Variants in CTNND2 observed in about 807,000 individuals in gnomAD.
The protein encoded by CTNND2 is catenin delta-2.
Under a neutral mutation model 144.4 loss-of-function variants are expected in CTNND2, and 22 were observed. The ratio of observed to expected loss-of-function variants is 0.15; its 90% confidence interval spans 0.11 to 0.22. The LOEUF (loss-of-function observed/expected upper bound fraction) is 0.22, where lower values mean the gene tolerates loss of function less well. Among genes scored for constraint, CTNND2 ranks in the 10% least tolerant of loss-of-function variants. CTNND2 has a pLI of 1.00. For missense variants in CTNND2, 1,353 were observed against 1,618.8 expected, an observed-to-expected ratio of 0.84 and a Z score of 2.82; for synonymous variants, 751 against 695.6, an observed-to-expected ratio of 1.08 and a Z score of -1.25.
At chr5:11,181,285 G>T (rs1319587097) in intron 11 of CTNND2, among the ~76,000 whole-genome samples, 2 of 152,122 alleles carry the variant, frequency 1.3e-5, no homozygotes, top group Non-Finnish European at 2.9e-5. Context: ...TGCTCTTCAG[G>T]GATTCTAGTA....
At chr5:11,164,108 T>C (rs1264494749) in intron 11 of CTNND2, among the ~76,000 whole-genome samples, 2 of 152,030 alleles carry the variant, frequency 1.3e-5, no homozygotes, top group Non-Finnish European at 2.9e-5. Flanking sequence ...GATTTTGGCT[T>C]CCATCATCAT....
At chr5:11,093,368 CAA>C (rs34667320) in intron 15 of CTNND2, among the ~76,000 whole-genome samples, 19,972 of 152,074 alleles carry the variant, frequency 0.13, 1,483 homozygotes, top group African/African-American at 0.21. Flanking sequence ...CTGCAACAAA[CAA>C]AATCACTGTA....
chr5:11,655,476 G>T (rs1178367888), intron 2 of CTNND2, among the ~76,000 whole-genome samples: 1 of 151,816 alleles, frequency 6.6e-6, no homozygotes, highest in African/African-American at 2.4e-5. Context: ...TCTCACAATT[G>T]GCATTCGTAA....
chr5:11,875,583 T>C (rs1735505756), intron 1 of CTNND2, among the ~76,000 whole-genome samples: 1 of 152,054 alleles, frequency 6.6e-6, no homozygotes. Flanking sequence ...GCCCTCATGA[T>C]GGGATTTTAC....
At chr5:11,569,738 C>A (rs115144348) in intron 2 of CTNND2, among the ~76,000 whole-genome samples, 2 of 152,072 alleles carry the variant, frequency 1.3e-5, no homozygotes, top group African/African-American at 4.8e-5. Context: ...AATATTGAGG[C>A]TTCTTCATTT....
intron 5 of CTNND2, among the ~76,000 whole-genome samples, chr5:11,401,233 A>C (rs1480416495): frequency 2.6e-5 from 4 of 152,240 alleles, no homozygotes; most frequent in Non-Finnish European, 4.4e-5. Context: ...TCTTCTGATC[A>C]GATTAACTGA....
chr5:11,496,229 A>G (rs1473730161), intron 3 of CTNND2, among the ~76,000 whole-genome samples: 1 of 152,178 alleles, frequency 6.6e-6, no homozygotes, highest in African/African-American at 2.4e-5. Flanking sequence ...AGTAGAACCC[A>G]TTGAAAGCCT....
In CTNND2 at chr5:11,314,502, T is replaced by A. The variant is rs552744317; in HGVS notation, c.1628+31870A>T. On this transcript the variant is annotated intron_variant, in intron 9 of 21. Coordinates refer to ENST00000304623, the MANE Select transcript of CTNND2 (RefSeq NM_001332.4). Reference sequence around the variant, plus strand: ...TCCTAAGTAGCTGGGACCACAAGCATGCACACCACGATGCCTAGCTAATTT... The same window carrying A: ...TCCTAAGTAGCTGGGACCACAAGCAAGCACACCACGATGCCTAGCTAATTT... Among the ~76,000 whole-genome samples, 6 of 152,260 alleles carry A rather than the reference T, an allele frequency of 3.9e-5. No homozygotes were observed. In the South Asian group the frequency reaches 8.3e-4, roughly 21 times the overall value.
At chr5:11,788,563 C>T (rs2126863575) in intron 1 of CTNND2, among the ~76,000 whole-genome samples, 1 of 152,270 alleles carries the variant, frequency 6.6e-6, no homozygotes, top group East Asian at 1.9e-4. Context: ...ATGAAATTCT[C>T]ACATACGTAG....
At chr5:11,209,584 G>C (rs1738408979) in intron 10 of CTNND2, among the ~76,000 whole-genome samples, 2 of 152,192 alleles carry the variant, frequency 1.3e-5, no homozygotes, top group African/African-American at 4.8e-5. Context: ...TGAATGAGGA[G>C]TCCTGAACAC....
At chr5:11,692,142 A>T (rs1045810635) in intron 2 of CTNND2, among the ~76,000 whole-genome samples, 2 of 152,238 alleles carry the variant, frequency 1.3e-5, no homozygotes, top group Non-Finnish European at 2.9e-5. Flanking sequence ...ATTTTGCAGC[A>T]GCTGCACATT....
chr5:10,984,525 A>G (rs1463991676), intron 20 of CTNND2, among the ~76,000 whole-genome samples: 1 of 151,900 alleles, frequency 6.6e-6, no homozygotes, highest in Non-Finnish European at 1.5e-5. Flanking sequence ...TCTTAAAAGC[A>G]CGAGGCACAG....
At chr5:11,631,543 G>C (rs1473034480) in intron 2 of CTNND2, among the ~76,000 whole-genome samples, 2 of 152,156 alleles carry the variant, frequency 1.3e-5, no homozygotes, top group African/African-American at 4.8e-5. Context: ...ACTTTGAGTG[G>C]TTGGTTCAAG....
chr5:11,320,279 A>T (rs1751904390), intron 9 of CTNND2, among the ~76,000 whole-genome samples: 1 of 152,240 alleles, frequency 6.6e-6, no homozygotes, highest in Non-Finnish European at 1.5e-5. Context: ...CTTCATAAAC[A>T]TTAATATATT....
At chr5:11,751,316 C>T (rs1346583830) in intron 1 of CTNND2, among the ~76,000 whole-genome samples, 1 of 151,642 alleles carries the variant, frequency 6.6e-6, no homozygotes, top group Non-Finnish European at 1.5e-5. Flanking sequence ...GTCTGGTGTA[C>T]AGATTATTTC....
chr5:11,494,363 C>G (rs894006756), intron 3 of CTNND2, among the ~76,000 whole-genome samples: 3 of 152,030 alleles, frequency 2.0e-5, no homozygotes, highest in Admixed American at 6.6e-5. Context: ...TCAGTTTTAC[C>G]AATCACTTAC....
At chr5:11,612,345 GAAGT>G (rs1394448935) in intron 2 of CTNND2, among the ~76,000 whole-genome samples, 1 of 152,166 alleles carries the variant, frequency 6.6e-6, no homozygotes, top group Non-Finnish European at 1.5e-5. Flanking sequence ...AAGTGTTGCA[GAAGT>G]AAGAGTTAAT....
intron 1 of CTNND2, among the ~76,000 whole-genome samples, chr5:11,840,162 T>C (rs967002003): frequency 2.0e-5 from 3 of 152,136 alleles, no homozygotes; most frequent in Non-Finnish European, 4.4e-5. Context: ...AAGCAACCTA[T>C]AAACATAGAA....
At chr5:11,200,492 A>T (rs1737310512) in intron 10 of CTNND2, among the ~76,000 whole-genome samples, 1 of 152,172 alleles carries the variant, frequency 6.6e-6, no homozygotes, top group Non-Finnish European at 1.5e-5. Context: ...ATGTATATGG[A>T]CAAAGAGCAT....
Sources: gnomAD v4.1 joint callset for allele counts (sites outside exome capture counted in the v4.1 genomes callset) on GRCh38, gnomAD v4.1.1 for gene constraint, MANE v1.5 for transcripts, NCBI Gene and HGNC (gene_info 2026-07-23, HGNC 2026-07-21) for gene names.